USP49: variants seen among roughly 807,000 people sequenced by gnomAD.
USP49 encodes ubiquitin specific peptidase 49.
Under a neutral mutation model 58.6 loss-of-function variants are expected in USP49, and 24 were observed. The ratio of observed to expected loss-of-function variants is 0.41; its 90% confidence interval spans 0.30 to 0.58. The LOEUF is 0.58. Among genes scored for constraint, USP49 ranks in the 20% least tolerant of loss-of-function variants. The pLI is 0.30. For synonymous variants in USP49, 408 were observed against 365.1 expected, an observed-to-expected ratio of 1.12 and a Z score of -1.34; for missense variants, 703 against 866.1, an observed-to-expected ratio of 0.81 and a Z score of 2.36.
intron 3 of USP49, among the ~76,000 whole-genome samples, chr6:41,846,765 G>A (rs1157193753): frequency 7.1e-6 from 1 of 141,508 alleles, no homozygotes; most frequent in Non-Finnish European, 1.6e-5. Context: ...GCAAGTTGGA[G>A]GAAACCCCCC....
chr6:41,881,210 G>T (rs887049477), intron 2 of USP49, among the ~76,000 whole-genome samples: 36 of 145,842 alleles, frequency 2.5e-4, no homozygotes, highest in African/African-American at 8.9e-4. Flanking sequence ...GAGATTACAG[G>T]CGTGAGCCAC....
At position 41,866,819 on chromosome 6, in the gene USP49, T is replaced by C. The variant is rs78260632; in HGVS notation, c.-29+4745A>G. On this transcript the variant is annotated intron_variant, in intron 3 of 7. Coordinates refer to ENST00000682992, the MANE Select transcript of USP49 (RefSeq NM_001286554.2). ...ACGAGGGTAGAAATTCTAGAATTGT[T>C]ATGAAAATTGTTTTAACTTCATCAG... is the stretch of plus-strand genomic sequence containing the variant. 6.8e-3 allele frequency among the ~76,000 whole-genome samples: 1,029 copies of C among 152,306 alleles called. 12 individuals carry two copies. Among genetic ancestry groups the C allele is most frequent in the African/African-American group, 0.023 (968 of 41,556 alleles).
Position 41,882,809 on chromosome 6 carries a change from G to A in USP49, c.-103+8985C>T, listed in dbSNP as rs180896762. Among the ~76,000 whole-genome samples, 502 of 152,156 alleles carry A rather than the reference G, an allele frequency of 3.3e-3. 9 individuals carry two copies. The South Asian group carries it at 0.046, about 14-fold the overall frequency. ...CACGCGTCTGTAGTCCCAGCTACTCGGGAAGCTGATGCAGGAGAATTGCTT... is the reference window on the plus strand; with the variant it reads ...CACGCGTCTGTAGTCCCAGCTACTCAGGAAGCTGATGCAGGAGAATTGCTT... On this transcript the variant is annotated intron_variant, in intron 2 of 7. Transcript: ENST00000682992.
chr6:41,887,718 G>A (rs975124047), intron 2 of USP49, among the ~76,000 whole-genome samples: 10 of 152,190 alleles, frequency 6.6e-5, no homozygotes, highest in East Asian at 3.8e-4. Context: ...TAGAAGGCAC[G>A]GAGTAGCAGA....
intron 2 of USP49, among the ~76,000 whole-genome samples, chr6:41,879,097 A>C (rs1774557618): frequency 6.6e-6 from 1 of 152,228 alleles, no homozygotes; most frequent in Admixed American, 6.5e-5. Flanking sequence ...ATGCTTTCTA[A>C]CTTTAAACAT....
chr6:41,862,655 T>C (rs936439687), intron 3 of USP49, among the ~76,000 whole-genome samples: 1 of 152,242 alleles, frequency 6.6e-6, no homozygotes, highest in African/African-American at 2.4e-5. Context: ...ATTTTTTTAA[T>C]AGTGTATGAT....
intron 3 of USP49, among the ~76,000 whole-genome samples, chr6:41,849,285 A>G (rs1773978780): frequency 6.6e-6 from 1 of 152,188 alleles, no homozygotes; most frequent in Non-Finnish European, 1.5e-5. Flanking sequence ...CAAACATCAG[A>G]GCTTCTAAAT....
rs766073011 is a variant in USP49 at position 41,798,948 on chromosome 6, C to T, written c.1671-19G>A. On this transcript the variant is annotated intron_variant, in intron 6 of 7. Transcript: ENST00000682992. Reference sequence around the variant, plus strand: ...AGACCACCTAGAACATGGATATAAGCTTGTTACTAGTAAAAACTGGCATAT... The same window carrying T: ...AGACCACCTAGAACATGGATATAAGTTTGTTACTAGTAAAAACTGGCATAT... 29 of 1,607,356 alleles carry T rather than the reference C, an allele frequency of 1.8e-5. No individual in the cohort carries two copies. Among genetic ancestry groups the T allele is most frequent in the South Asian group, 6.6e-5 (6 of 90,882 alleles).
chr6:41,894,899 C>G (rs1358055432), intron 1 of USP49, among the ~76,000 whole-genome samples: 1 of 152,016 alleles, frequency 6.6e-6, no homozygotes, highest in African/African-American at 2.4e-5. Flanking sequence ...CATTCTCAAC[C>G]CGGTTCCCCT....
intron 5 of USP49, among the ~76,000 whole-genome samples, chr6:41,802,453 TTTATTTATTTA>T (rs1301373954): frequency 2.3e-5 from 2 of 86,134 alleles, no homozygotes; most frequent in African/African-American, 1.0e-4. Context: ...TATTTATTTA[TTTATTTATTTA>T]TTTATTTTTT....
At chr6:41,849,304 T>G (rs1337482397) in intron 3 of USP49, among the ~76,000 whole-genome samples, 1 of 152,092 alleles carries the variant, frequency 6.6e-6, no homozygotes, top group Non-Finnish European at 1.5e-5. Flanking sequence ...ATATATGAAA[T>G]AAACTTAGAC....
At chr6:41,820,388 A>C (rs1331534916) in intron 3 of USP49, among the ~76,000 whole-genome samples, 2 of 152,140 alleles carry the variant, frequency 1.3e-5, no homozygotes, top group Non-Finnish European at 2.9e-5. Flanking sequence ...CACCACCCTT[A>C]GTCCACAACT....
In USP49 at chr6:41,793,113, T is replaced by A. The variant is rs1282894089; in HGVS notation, c.*3420A>T. On this transcript the variant is annotated 3_prime_UTR_variant, in exon 8 of 8. Coordinates refer to ENST00000682992, the MANE Select transcript of USP49 (RefSeq NM_001286554.2). The stretch of plus-strand genomic sequence containing the variant: ...AAGCACAGCCAGAGTAGCAAACTCA[T>A]ACAATCATTGACTCTAGAAGCCTTG... The A allele has an allele frequency of 1.3e-5, 2 of 152,228 alleles. No homozygotes were observed. Among genetic ancestry groups the A allele is most frequent in the Admixed American group, 1.3e-4 (2 of 15,276 alleles). 9.4% of individuals were successfully genotyped at this position (152,228 alleles called of 1,614,324 possible).
At chr6:41,846,869 A>G (rs2127348638) in intron 3 of USP49, among the ~76,000 whole-genome samples, 1 of 152,324 alleles carries the variant, frequency 6.6e-6, no homozygotes, top group Middle Eastern at 3.4e-3. Flanking sequence ...ACTGATTTCT[A>G]TCTCATATGA....
rs1298907878 is a variant in USP49 at position 41,791,163 on chromosome 6, A to G, written c.*5370T>C. On this transcript the variant is annotated 3_prime_UTR_variant, in exon 8 of 8. Coordinates refer to ENST00000682992, the MANE Select transcript of USP49 (RefSeq NM_001286554.2). ...TTAAGACATGGCAGCTTCCAAAAGC[A>G]TAATTCAAATTTCATTCAAAATTTA... 3 of 152,236 alleles carry G rather than the reference A, an allele frequency of 2.0e-5. No individual in the cohort carries two copies. Among genetic ancestry groups the G allele is most frequent in the Non-Finnish European group, 4.4e-5 (3 of 68,038 alleles). 9.4% of individuals were successfully genotyped at this position (152,236 alleles called of 1,614,324 possible). A position where few individuals can be genotyped will look rare whatever the true frequency, so the allele number is the denominator to read the frequency against.
At chr6:41,805,125 T>C (rs1773087359) in intron 4 of USP49, among the ~76,000 whole-genome samples, 1 of 152,204 alleles carries the variant, frequency 6.6e-6, no homozygotes, top group Non-Finnish European at 1.5e-5. Context: ...TTTGCTTAGG[T>C]TACATGGCTA....
At chr6:41,841,071 T>C (rs1209457233) in intron 3 of USP49, among the ~76,000 whole-genome samples, 3 of 151,926 alleles carry the variant, frequency 2.0e-5, no homozygotes, top group Admixed American at 2.0e-4. Context: ...CCTGTCATCC[T>C]CTCCAACTAT....
chr6:41,835,842 G>GCACT, intron 3 of USP49, among the ~76,000 whole-genome samples: 1 of 152,110 alleles, frequency 6.6e-6, no homozygotes, highest in Non-Finnish European at 1.5e-5. Context: ...GGGAGGTCAA[G>GCACT]GTGGGAGGAT....
At position 41,805,871 on chromosome 6, in the gene USP49, C is replaced by T. The variant is rs1773107688; in HGVS notation, c.1113G>A (p.Gly371=). 3 of 1,613,870 alleles carry T rather than the reference C, an allele frequency of 1.9e-6. No homozygotes were observed. Among genetic ancestry groups the T allele is most frequent in the Non-Finnish European group, 2.5e-6 (3 of 1,180,024 alleles). The change falls in exon 4 of 8, where the codon GGG becomes GGA. Residue 371 remains glycine, a synonymous_variant. Transcript: ENST00000682992. The part of the protein sequence containing the change: ...LHTLFRVMWS[G]KWALVSPFAM... ...CGAAGGGCGACACTAGGGCCCACTT[C>T]CCGGACCACATGACTCGGAAGAGGG...
Sources: gnomAD v4.1 joint callset for allele counts (sites outside exome capture counted in the v4.1 genomes callset) on GRCh38, gnomAD v4.1.1 for gene constraint, MANE v1.5 for transcripts, NCBI Gene and HGNC (gene_info 2026-07-23, HGNC 2026-07-21) for gene names.